Variants in UNC79 observed in about 807,000 individuals in gnomAD.
UNC79 encodes unc-79 subunit of NALCN channel complex.
Under a neutral mutation model 283.1 loss-of-function variants are expected in UNC79, and 37 were observed. The ratio of observed to expected loss-of-function variants is 0.13; its 90% CI spans 0.10 to 0.17. The LOEUF (loss-of-function observed/expected upper bound fraction) is 0.17, where lower values mean the gene tolerates loss of function less well. Among genes scored for constraint, UNC79 ranks in the 10% least tolerant of loss-of-function variants. The pLI, the probability that UNC79 is intolerant of heterozygous loss-of-function variation, is 1.00. For synonymous variants in UNC79, 1,107 were observed against 1,200.2 expected (o/e 0.92, Z 1.61); for missense variants, 2,272 against 3,211.1 (o/e 0.71, Z 7.07).
At chr14:93,653,531 G>A (rs1280559344) in intron 35 of UNC79, among the ~76,000 whole-genome samples, 1 of 151,656 alleles carries the variant, frequency 6.6e-6, no homozygotes, top group Non-Finnish European at 1.5e-5. Context: ...ATACGTCTGA[G>A]ACTACACTGG....
intron 41 of UNC79, among the ~76,000 whole-genome samples, chr14:93,679,571 A>C (rs1308338493): frequency 6.6e-6 from 1 of 152,200 alleles, no homozygotes; most frequent in East Asian, 1.9e-4. Flanking sequence ...TTTTCTTTTA[A>C]AGATGTGTTC....
rs79294643 is a variant in UNC79, at chr14:93,543,553, G to C, written c.1755+857G>C. Among the ~76,000 whole-genome samples, 740 of 152,076 alleles carry C rather than the reference G, an allele frequency of 4.9e-3. 10 individuals carry two copies. The East Asian group carries it at 0.072, about 15-fold the overall frequency. On this transcript the variant is annotated intron_variant, in intron 14 of 48. Coordinates refer to ENST00000555664, the Ensembl canonical transcript of UNC79. The stretch of plus-strand genomic sequence containing the variant: ...TAATTAAAAAAATTTTTTTGGTAGA[G>C]ATGGGGTCTCTCTATGTTGCTCAGG...
chr14:93,333,242 C>T (rs546851257), exon 1 of UNC79: 11 of 361,064 alleles, frequency 3.0e-5, no homozygotes, highest in Non-Finnish European at 4.8e-5. Flanking sequence ...GGCTGGGAGC[C>T]GGGCGTCGGG....
At chr14:93,494,107 G>A (rs1019608814) in intron 5 of UNC79, among the ~76,000 whole-genome samples, 3 of 151,740 alleles carry the variant, frequency 2.0e-5, no homozygotes, top group Admixed American at 6.6e-5. Flanking sequence ...GTTTCACCAT[G>A]TTGGCCAGGC....
chr14:93,445,456 AC>A lies in UNC79; in HGVS notation c.22+14408del, dbSNP rs138166409. 4.5e-3 allele frequency among the ~76,000 whole-genome samples: 691 copies of A among 152,230 alleles called. 3 individuals carry two copies. The highest frequency in any genetic ancestry group is 0.016 in the African/African-American group (657 of 41,544). On this transcript the variant is annotated intron_variant, in intron 1 of 48. Coordinates refer to ENST00000555664, the Ensembl canonical transcript of UNC79. ...TTGCATTCCTTTATTCCTGAATTAA[AC>A]CCTATTTGGTCGTAATGTATTCTTC...
At chr14:93,496,223 A>G (rs1047890893) in intron 5 of UNC79, among the ~76,000 whole-genome samples, 188 bp from the exon 6 acceptor site, 1 of 152,176 alleles carries the variant, frequency 6.6e-6, no homozygotes, top group South Asian at 2.1e-4. Context: ...GGACCTTGGG[A>G]CAAAGCTTGA....
chr14:93,343,197 T>C (rs965231915), intron 1 of UNC79, among the ~76,000 whole-genome samples: 1 of 152,232 alleles, frequency 6.6e-6, no homozygotes, highest in African/African-American at 2.4e-5. Flanking sequence ...TTTACACTGC[T>C]ATAAAGAACT....
chr14:93,538,506 C>T lies in UNC79; in HGVS notation c.1352+288C>T, dbSNP rs565444766. 1.1e-4 allele frequency among the ~76,000 whole-genome samples: 17 copies of T among 152,130 alleles called. No individual in the cohort carries two copies. The South Asian group carries it at 2.5e-3, about 22-fold the overall frequency. ...TGTAGGGACTAGAAAAACATAAGCA[C>T]GTCATTGTGGTACGGTTTGGTGAGC... On this transcript the variant is annotated intron_variant, in intron 12 of 48. Coordinates refer to ENST00000555664, the Ensembl canonical transcript of UNC79.
At chr14:93,550,514 C>CAAAA (rs1205210121) in intron 14 of UNC79, among the ~76,000 whole-genome samples, 561 of 19,142 alleles carry the variant, frequency 0.029, 21 homozygotes, top group Middle Eastern at 0.079. Flanking sequence ...GACTCCGTAT[C>CAAAA]AAAAAAAAAA....
At chr14:93,634,723 A>G in intron 31 of UNC79, 86 bp downstream of exon 34, 2 of 1,254,524 alleles carry the variant, frequency 1.6e-6, no homozygotes, top group Non-Finnish European at 1.2e-6. Flanking sequence ...TTGTTAAAGA[A>G]TAGATTTTCT....
chr14:93,416,150 G>T (rs1389641584), intron 1 of UNC79, among the ~76,000 whole-genome samples: 1 of 140,030 alleles, frequency 7.1e-6, no homozygotes, highest in East Asian at 2.0e-4. Context: ...TTTCTCTTGT[G>T]GGCATTTAGT....
Position 93,531,519 on chromosome 14 carries a change from G to A in UNC79, c.1094-1031G>A, listed in dbSNP as rs968499259. 6.6e-6 allele frequency among the ~76,000 whole-genome samples: 1 copy of A among 152,160 alleles called. No homozygotes were observed. The highest frequency in any genetic ancestry group is 1.5e-5 in the Non-Finnish European group (1 of 68,020). On this transcript the variant is annotated intron_variant, in intron 10 of 48. Transcript: ENST00000555664. The surrounding 1 kb of genome is among the most constrained non-coding windows in gnomAD (Gnocchi z 4.2). ...TGTGCCCACTGAAAAGAATTCTTAT[G>A]CATTCATTATGTAGACAGTAATTTG... is the stretch of plus-strand genomic sequence containing the variant.
At chr14:93,512,575 A>T (rs1050353603) in intron 7 of UNC79, among the ~76,000 whole-genome samples, 1 of 152,058 alleles carries the variant, frequency 6.6e-6, no homozygotes, top group African/African-American at 2.4e-5. Flanking sequence ...AAAAATGTTT[A>T]CCTGTGCATT....
At chr14:93,359,409 C>A (rs1360877920) in intron 1 of UNC79, among the ~76,000 whole-genome samples, 1 of 152,210 alleles carries the variant, frequency 6.6e-6, no homozygotes, top group African/African-American at 2.4e-5. Context: ...CCTGTAATTG[C>A]TCTTCTCCGT....
intron 14 of UNC79, among the ~76,000 whole-genome samples, chr14:93,564,764 G>A (rs982719456): frequency 2.3e-5 from 3 of 130,788 alleles, no homozygotes; most frequent in African/African-American, 5.0e-5. Context: ...CTGGCTGGCA[G>A]GGGTGGGGGT....
At chr14:93,339,861 T>C (rs879639318) in intron 1 of UNC79, among the ~76,000 whole-genome samples, 2 of 152,270 alleles carry the variant, frequency 1.3e-5, no homozygotes, top group Admixed American at 6.5e-5. Context: ...TTAAATATGC[T>C]AGTATGTATG....
intron 1 of UNC79, among the ~76,000 whole-genome samples, chr14:93,371,435 C>CA (rs932303633): frequency 6.6e-5 from 10 of 151,844 alleles, no homozygotes; most frequent in Non-Finnish European, 8.8e-5. Flanking sequence ...CAAAACAAAA[C>CA]AAAAAAACGC....
chr14:93,395,260 T>A (rs1341471637), intron 1 of UNC79, among the ~76,000 whole-genome samples: 1 of 152,208 alleles, frequency 6.6e-6, no homozygotes, highest in East Asian at 1.9e-4. Flanking sequence ...CCTTCATTTT[T>A]AAAGATAGTT....
At chr14:93,677,130 T>C (rs1431049567) in intron 41 of UNC79, among the ~76,000 whole-genome samples, 1 of 152,182 alleles carries the variant, frequency 6.6e-6, no homozygotes, top group African/African-American at 2.4e-5. Flanking sequence ...CTTTGTTCTA[T>C]AAACTCTTAA....
Sources: gnomAD v4.1 joint callset for allele counts (sites outside exome capture counted in the v4.1 genomes callset) on GRCh38, gnomAD v4.1.1 for gene constraint, Gnocchi (gnomAD v3.1) non-coding constraint, MANE v1.5 for transcripts, NCBI Gene and HGNC (gene_info 2026-07-23, HGNC 2026-07-21) for gene names.